Variants in MTUS1 observed in about 807,000 individuals in gnomAD.
The protein encoded by MTUS1 is microtubule associated scaffold protein 1.
Under a neutral mutation model 120.8 loss-of-function variants are expected in MTUS1, and 109 were observed. That is an observed-to-expected ratio of 0.90 (90% CI 0.77 to 1.06). The LOEUF is 1.06. MTUS1 is among the 50% of genes least tolerant of loss of function. The probability of loss-of-function intolerance (pLI) is 0.00; values close to 1 mark genes in which losing one functional copy is unlikely to be tolerated. For synonymous variants in MTUS1, 737 were observed against 550.5 expected (o/e 1.34, Z -4.74); for missense variants, 2,210 against 1,486.3 (o/e 1.49, Z -8.01).
Position 17,731,063 on chromosome 8 carries a change from C to G in MTUS1, c.2288-7230G>C, listed in dbSNP as rs994558817. On this transcript the variant is annotated intron_variant, in intron 3 of 14. Coordinates refer to ENST00000693296, the MANE Select transcript of MTUS1 (RefSeq NM_001363059.2). ...ATATTATAAAATAATAAAAGTCCTA[C>G]TGGAATAAAACCATACTGACAGATT... Among the ~76,000 whole-genome samples the G allele has an allele frequency of 5.9e-5, 9 of 151,486 alleles. 1 individual carries two copies. The highest frequency in any genetic ancestry group is 2.0e-4 in the African/African-American group (8 of 40,822).
At chr8:17,781,677 C>A (rs1361992262) in intron 1 of MTUS1, among the ~76,000 whole-genome samples, 1 of 152,174 alleles carries the variant, frequency 6.6e-6, no homozygotes, top group African/African-American at 2.4e-5. Flanking sequence ...AATGCTGGCT[C>A]TCCCCTGCAC....
In MTUS1 at chr8:17,682,950, A is replaced by T. The variant is rs138611574; in HGVS notation, c.2838+1378T>A. On this transcript the variant is annotated intron_variant, in intron 7 of 14. Coordinates refer to ENST00000693296, the MANE Select transcript of MTUS1 (RefSeq NM_001363059.2). ...CAAAAACAAAAACAAAAACAAAAAA[A>T]TCTGGAGAAAGCTGTAAAATACTCA... is the stretch of plus-strand genomic sequence containing the variant. Among the ~76,000 whole-genome samples, 874 of 152,186 alleles carry T rather than the reference A, an allele frequency of 5.7e-3. 9 individuals carry two copies. Among genetic ancestry groups the T allele is most frequent in the African/African-American group, 0.02 (821 of 41,516 alleles).
chr8:17,667,293 G>T (rs2130526977), intron 8 of MTUS1, among the ~76,000 whole-genome samples: 1 of 152,194 alleles, frequency 6.6e-6, no homozygotes, highest in Non-Finnish European at 1.5e-5. Context: ...GTGTACAGTT[G>T]GTTTTCAGTA....
intron 6 of MTUS1, among the ~76,000 whole-genome samples, chr8:17,712,513 A>G (rs1016946596): frequency 2.0e-5 from 3 of 151,950 alleles, no homozygotes; most frequent in Admixed American, 6.6e-5. Context: ...ACTTTTTTGT[A>G]TTTTTAGTAG....
rs2048366777 is a variant in MTUS1, at chr8:17,753,739, A to C, written c.2069T>G (p.Phe690Cys). The change falls in exon 2 of 15, where the codon TTT becomes TGT. Residue 690 changes from phenylalanine (F) to cysteine (C), a missense_variant. By Grantham distance (205) the Phe-to-Cys change is radical. Transcript: ENST00000693296. Reference protein sequence around the residue: ...ELKQEIMNETFEYGSLFLGSA... With the variant: ...ELKQEIMNETCEYGSLFLGSA... ...TACCAAAAACAGAGAACCATATTCA[A>C]AAGTCTCATTCATAATCTCTTGTTT... 3 of 1,604,528 alleles carry C rather than the reference A, an allele frequency of 1.9e-6. No individual in the cohort carries two copies. The Admixed American group carries it at 5.2e-5, about 28-fold the overall frequency.
intron 6 of MTUS1, among the ~76,000 whole-genome samples, chr8:17,706,719 T>C (rs749479965): frequency 1.2e-4 from 18 of 152,212 alleles, no homozygotes; most frequent in Non-Finnish European, 1.6e-4. Flanking sequence ...TTGAAAGTGC[T>C]AATTGTATAG....
At chr8:17,650,023 G>A in intron 12 of MTUS1, 61 bp from the exon 13 acceptor site, 1 of 899,166 alleles carries the variant, frequency 1.1e-6, no homozygotes, top group Non-Finnish European at 1.9e-6. Context: ...TTAACAGAAA[G>A]AATCTTTGAT....
chr8:17,698,182 G>T (rs946884559), intron 6 of MTUS1, among the ~76,000 whole-genome samples: 1 of 152,180 alleles, frequency 6.6e-6, no homozygotes, highest in Non-Finnish European at 1.5e-5. Context: ...AGTTCCAGAA[G>T]AATAGTCCAT....
intron 7 of MTUS1, among the ~76,000 whole-genome samples, chr8:17,680,890 C>A (rs1027288601): frequency 6.6e-6 from 1 of 151,888 alleles, no homozygotes; most frequent in Non-Finnish European, 1.5e-5. Flanking sequence ...CCTTCGTTCA[C>A]TGGGGGGAAT....
At chr8:17,733,039 A>G (rs900580404) in intron 3 of MTUS1, among the ~76,000 whole-genome samples, 1 of 152,076 alleles carries the variant, frequency 6.6e-6, no homozygotes, top group East Asian at 1.9e-4. Context: ...CCAAGTCCTA[A>G]CTATGATTTT....
intron 8 of MTUS1, among the ~76,000 whole-genome samples, chr8:17,665,410 T>G (rs17590189): frequency 0.084 from 12,754 of 152,308 alleles, 633 homozygotes; most frequent in African/African-American, 0.12. Context: ...CTCTCACATT[T>G]GTTTCATTTA....
chr8:17,678,945 G>T (rs1357637097), intron 7 of MTUS1, among the ~76,000 whole-genome samples: 2 of 152,042 alleles, frequency 1.3e-5, no homozygotes, highest in African/African-American at 4.8e-5. Flanking sequence ...GATAAACCAA[G>T]AATTAGAAAA....
At chr8:17,650,837 C>A (rs921205582) in intron 12 of MTUS1, among the ~76,000 whole-genome samples, 1 of 152,198 alleles carries the variant, frequency 6.6e-6, no homozygotes, top group Non-Finnish European at 1.5e-5. Flanking sequence ...CTAAACCATT[C>A]AAAATTTATG....
In MTUS1 at chr8:17,653,557, A is replaced by T. The variant is rs1358332908; in HGVS notation, c.3215-59T>A. 4.9e-6 allele frequency: 6 copies of T among 1,217,958 alleles called. No homozygotes were observed. The Admixed American group carries it at 1.1e-4, about 23-fold the overall frequency. 75.4% of individuals were successfully genotyped at this position (1,217,958 alleles called of 1,614,324 possible). ...ACATTCTATGAGATCAATGTACTCT[A>T]AAACAGTTAAAGCATATAGATGTAG... is the stretch of plus-strand genomic sequence containing the variant. On this transcript the variant is annotated intron_variant, in intron 10 of 14. Coordinates refer to ENST00000693296, the MANE Select transcript of MTUS1 (RefSeq NM_001363059.2).
chr8:17,709,114 G>C (rs1047554899), intron 6 of MTUS1: 2 of 150,682 alleles, frequency 1.3e-5, no homozygotes, highest in African/African-American at 2.5e-5. Flanking sequence ...TCCAGCCTGG[G>C]CGACAGAGCA....
At chr8:17,742,763 G>C (rs915456542) in intron 3 of MTUS1, among the ~76,000 whole-genome samples, 9 of 152,216 alleles carry the variant, frequency 5.9e-5, no homozygotes, top group African/African-American at 2.2e-4. Flanking sequence ...AAATTGTAGA[G>C]AGGTACAGAG....
intron 8 of MTUS1, among the ~76,000 whole-genome samples, chr8:17,661,305 C>T (rs753045705): frequency 1.8e-4 from 27 of 152,262 alleles, no homozygotes; most frequent in Non-Finnish European, 3.1e-4. Flanking sequence ...AGGCTTTTCA[C>T]TTGCTTCTCT....
At chr8:17,742,438 C>T (rs184867495) in intron 3 of MTUS1, among the ~76,000 whole-genome samples, 54 of 152,052 alleles carry the variant, frequency 3.6e-4, no homozygotes, top group African/African-American at 1.3e-3. Context: ...TCATCTCACT[C>T]ATGCCTTGAC....
At chr8:17,757,873 C>T (rs1253345152) in intron 1 of MTUS1, among the ~76,000 whole-genome samples, 1 of 152,122 alleles carries the variant, frequency 6.6e-6, no homozygotes, top group African/African-American at 2.4e-5. Context: ...GGTCAAACTG[C>T]AGTGCCAAAG....
Sources: gnomAD v4.1 joint callset for allele counts (sites outside exome capture counted in the v4.1 genomes callset) on GRCh38, gnomAD v4.1.1 for gene constraint, MANE v1.5 for transcripts, NCBI Gene and HGNC (gene_info 2026-07-23, HGNC 2026-07-21) for gene names.